The following KALRN variants were observed in gnomAD, a reference collection of about 807,000 sequenced individuals.
The protein encoded by KALRN is kalirin.
KALRN carries 70 observed loss-of-function variants against 353.7 expected under a neutral mutation model. That is an observed-to-expected ratio of 0.20 (90% CI 0.16 to 0.24). The LOEUF is 0.24. Among genes scored for constraint, KALRN ranks in the 10% least tolerant of loss-of-function variants. KALRN has a pLI of 1.00. For missense variants in KALRN, 2,791 were observed against 3,756.7 expected, an observed-to-expected ratio of 0.74 and a Z score of 6.72; for synonymous variants, 1,391 against 1,434.8, an observed-to-expected ratio of 0.97 and a Z score of 0.69.
At chr3:124,555,973 C>CA (rs1456826157) in intron 33 of KALRN, among the ~76,000 whole-genome samples, 1 of 152,110 alleles carries the variant, frequency 6.6e-6, no homozygotes, top group East Asian at 1.9e-4. Context: ...CTCTATTTAT[C>CA]AAATATTAAA....
intron 10 of KALRN, among the ~76,000 whole-genome samples, chr3:124,355,905 G>C (rs1290538631): frequency 1.3e-5 from 2 of 151,772 alleles, no homozygotes; most frequent in African/African-American, 4.8e-5. Flanking sequence ...AGTAGAGATG[G>C]GGTTTCACCA....
Position 124,369,673 on chromosome 3 carries a change from C to G in KALRN, c.1771-15172C>G, listed in dbSNP as rs891700641. On this transcript the variant is annotated intron_variant, in intron 10 of 59. Transcript: ENST00000682506. Reference sequence around the variant, plus strand: ...TGTTAACTATAGATGCTATGTTGTACAATAGATCTCTTGAACATGTTCTTC... The same window carrying G: ...TGTTAACTATAGATGCTATGTTGTAGAATAGATCTCTTGAACATGTTCTTC... Among the ~76,000 whole-genome samples, 10 of 152,066 alleles carry G rather than the reference C, an allele frequency of 6.6e-5. 1 individual carries two copies. Among genetic ancestry groups the G allele is most frequent in the Admixed American group, 3.9e-4 (6 of 15,288 alleles).
rs1456309364 is a variant in KALRN, at chr3:124,262,261, G to C, written c.264-2237G>C. Among the ~76,000 whole-genome samples the C allele has an allele frequency of 2.0e-5, 3 of 152,178 alleles. No homozygotes were observed. The East Asian group carries it at 5.8e-4, about 29-fold the overall frequency. ...AGACATGAGAAAAAACTACGTTACA[G>C]TGAAAAGTAGAACAGTATATGATAT... On this transcript the variant is annotated intron_variant, in intron 3 of 59. Transcript: ENST00000682506.
intron 25 of KALRN, 160 bp downstream of exon 25, chr3:124,462,793 T>C: frequency 1.8e-6 from 1 of 567,886 alleles, no homozygotes; most frequent in Non-Finnish European, 3.1e-6. Flanking sequence ...CCTTTCTCCA[T>C]AATTGTCCGA....
At chr3:124,718,087 C>G (rs1197941806) in intron 59 of KALRN, among the ~76,000 whole-genome samples, 1 of 148,922 alleles carries the variant, frequency 6.7e-6, no homozygotes, top group African/African-American at 2.5e-5. Flanking sequence ...GCTGGGATTA[C>G]AGGCGTGAGC....
chr3:124,261,095 G>A (rs963841439), intron 3 of KALRN, among the ~76,000 whole-genome samples: 5 of 148,892 alleles, frequency 3.4e-5, no homozygotes, highest in Admixed American at 2.7e-4. Flanking sequence ...TCACCACGCC[G>A]GCCAGGCTGG....
At chr3:124,667,704 G>A (rs1398412420) in intron 47 of KALRN, among the ~76,000 whole-genome samples, 1 of 152,206 alleles carries the variant, frequency 6.6e-6, no homozygotes, top group Non-Finnish European at 1.5e-5. Context: ...TTAAATTTCT[G>A]TAATACCCTG....
At chr3:124,696,358 C>A in intron 54 of KALRN, 103 bp downstream of exon 54, 1 of 1,113,476 alleles carries the variant, frequency 9.0e-7, no homozygotes, top group Non-Finnish European at 1.3e-6. Context: ...GCAGCCTTGA[C>A]CTCCCAGGCT....
chr3:124,419,320 A>G (rs1020833158), intron 14 of KALRN, among the ~76,000 whole-genome samples: 1 of 150,756 alleles, frequency 6.6e-6, no homozygotes, highest in African/African-American at 2.4e-5. Context: ...TAAGCCTACT[A>G]GATGCCAAGC....
intron 14 of KALRN, among the ~76,000 whole-genome samples, chr3:124,422,581 C>T (rs556811573): frequency 6.6e-6 from 1 of 152,256 alleles, no homozygotes; most frequent in Admixed American, 6.5e-5. Context: ...AGGAACTGAT[C>T]ATCCGTTGAC....
At chr3:124,695,911 A>G (rs1185097126) in intron 53 of KALRN, among the ~76,000 whole-genome samples, 1 of 152,192 alleles carries the variant, frequency 6.6e-6, no homozygotes, top group Non-Finnish European at 1.5e-5. Context: ...TTTATCCCTC[A>G]TGTACAACAA....
rs767685378 is a variant in KALRN, at chr3:124,347,205, G to A, written c.1710G>A (p.Lys570=). The change falls in exon 10 of 60, where the codon AAG becomes AAA. Residue 570 remains lysine, a synonymous_variant. Coordinates refer to ENST00000682506, the MANE Select transcript of KALRN (RefSeq NM_001388419.1). The part of the protein sequence containing the change: ...AFLSKHTGVG[K]SLHRARALQK... ...TCAGCAAACACACTGGAGTTGGGAA[G>A]TCCCTACATCGAGCCCGGGCCCTGC... 102 of 1,613,648 alleles carry A rather than the reference G, an allele frequency of 6.3e-5. 2 individuals are homozygous for A. The East Asian group carries it at 2.3e-3, about 36-fold the overall frequency.
At chr3:124,681,629 C>CTTT (rs56934346) in intron 51 of KALRN, among the ~76,000 whole-genome samples, 14,910 of 103,600 alleles carry the variant, frequency 0.14, 1,542 homozygotes, top group Non-Finnish European at 0.18. Flanking sequence ...CAGTGATTGT[C>CTTT]TTTTTTTTTT....
At chr3:124,616,305 A>G (rs1456821311) in intron 34 of KALRN, among the ~76,000 whole-genome samples, 2 of 152,200 alleles carry the variant, frequency 1.3e-5, no homozygotes, top group African/African-American at 2.4e-5. Flanking sequence ...TTACTACTGA[A>G]GGGCACATTG....
At chr3:124,688,075 G>A (rs1301802929) in intron 51 of KALRN, among the ~76,000 whole-genome samples, 1 of 152,114 alleles carries the variant, frequency 6.6e-6, no homozygotes, top group Non-Finnish European at 1.5e-5. Context: ...CATTGGGCGG[G>A]CACAGGTGGG....
chr3:124,480,991 A>AT (rs2108207329), intron 27 of KALRN, among the ~76,000 whole-genome samples: 1 of 152,122 alleles, frequency 6.6e-6, no homozygotes, highest in African/African-American at 2.4e-5. Flanking sequence ...ATAGATATAT[A>AT]TTTTTTATTT....
chr3:124,248,072 C>T (rs997470489), intron 3 of KALRN, among the ~76,000 whole-genome samples: 1 of 152,200 alleles, frequency 6.6e-6, no homozygotes, highest in Non-Finnish European at 1.5e-5. Flanking sequence ...AGTCCCATCC[C>T]TTCTATGAGA....
rs573945409 is a variant in KALRN, at chr3:124,065,606, T to A, written c.73+31793T>A. On this transcript the variant is annotated intron_variant, in intron 1 of 59. Coordinates refer to ENST00000682506, the MANE Select transcript of KALRN (RefSeq NM_001388419.1). ...CTAGTTATACTATTCTTTCTACTTT[T>A]CCATATGACTAAAACATTCCTTAGT... 8.7e-5 allele frequency among the ~76,000 whole-genome samples: 13 copies of A among 149,066 alleles called. No individual in the cohort carries two copies. In the East Asian group the frequency reaches 2.2e-3, roughly 25 times the overall value.
intron 34 of KALRN, among the ~76,000 whole-genome samples, chr3:124,623,324 C>G (rs2079508854): frequency 6.7e-6 from 1 of 149,384 alleles, no homozygotes; most frequent in Non-Finnish European, 1.5e-5. Context: ...TATTTGGTTA[C>G]TAATTGTATT....
Sources: gnomAD v4.1 joint callset for allele counts (sites outside exome capture counted in the v4.1 genomes callset) on GRCh38, gnomAD v4.1.1 for gene constraint, MANE v1.5 for transcripts, NCBI Gene and HGNC (gene_info 2026-07-23, HGNC 2026-07-21) for gene names.